Variants in SOX13 observed in about 807,000 individuals in gnomAD.
The protein encoded by SOX13 is SRY-box transcription factor 13.
In SOX13, 28 loss-of-function variants were observed where a neutral mutation model predicts 71.8. That is an observed-to-expected ratio of 0.39 (90% CI 0.29 to 0.53). SOX13 has a LOEUF of 0.53. Among genes scored for constraint, SOX13 ranks in the 20% least tolerant of loss-of-function variants. The pLI is 0.70. For synonymous variants in SOX13, 309 were observed against 317.8 expected (o/e 0.97, Z 0.29); for missense variants, 627 against 810.3 (o/e 0.77, Z 2.75).
At chr1:204,106,529 T>A (rs1010338102) in intron 1 of SOX13, among the ~76,000 whole-genome samples, 1 of 151,890 alleles carries the variant, frequency 6.6e-6, no homozygotes, top group African/African-American at 2.4e-5. Context: ...TTTTTTTTTT[T>A]TTTTTTGAGA....
rs1484853955 is a variant in SOX13, at chr1:204,124,850, G to C, written c.1585G>C (p.Val529Leu). The change falls in exon 13 of 14, where the codon GTG becomes CTG. Residue 529 changes from valine to leucine, a missense_variant. By Grantham distance (32) the Val-to-Leu change is conservative. Coordinates refer to ENST00000367204, the MANE Select transcript of SOX13 (RefSeq NM_005686.3). Reference protein sequence around the residue: ...TRRQDARQSYVIPPQAGQVQM... With the variant: ...TRRQDARQSYLIPPQAGQVQM... ...GCGTCAGGATGCCCGCCAGAGCTAC[G>C]TGATCCCGTGAGCAGGCCCCCCCGC... 6.4e-7 allele frequency: 1 copy of C among 1,565,760 alleles called. No homozygotes were observed.
chr1:204,077,030 T>A (rs59450296), intron 1 of SOX13, among the ~76,000 whole-genome samples: 1 of 152,190 alleles, frequency 6.6e-6, no homozygotes, highest in Non-Finnish European at 1.5e-5. Flanking sequence ...AGAAAACATA[T>A]GTAGGTCAGG....
chr1:204,077,242 C>A (rs745356714), intron 1 of SOX13, among the ~76,000 whole-genome samples: 1 of 152,198 alleles, frequency 6.6e-6, no homozygotes, highest in Non-Finnish European at 1.5e-5. Context: ...CTGGAGAAAT[C>A]AGAGGAGAGC....
chr1:204,097,470 T>C (rs1224514718), intron 1 of SOX13, among the ~76,000 whole-genome samples: 1 of 152,052 alleles, frequency 6.6e-6, no homozygotes, highest in Non-Finnish European at 1.5e-5. Context: ...GGTGGGTGGA[T>C]CACCTGAGGT....
rs11454769 is a variant in SOX13, at chr1:204,120,982, CT to C, written c.776-903del. 5.3e-3 allele frequency among the ~76,000 whole-genome samples: 738 copies of C among 140,416 alleles called. 3 individuals are homozygous for C. Among genetic ancestry groups the C allele is most frequent in the African/African-American group, 0.01 (387 of 38,078 alleles). The allele number at this position is 140,416 out of a possible 152,430, so 92.1% of individuals were successfully genotyped here. A position where few individuals can be genotyped will look rare whatever the true frequency, so the allele number is the denominator to read the frequency against. On this transcript the variant is annotated intron_variant, in intron 7 of 13. Coordinates refer to ENST00000367204, the MANE Select transcript of SOX13 (RefSeq NM_005686.3). ...TTTTTAGTTTTGAAAATTTTAAATT[CT>C]TTTTTTTTTTTTTTGAAACAGAGTC...
intron 13 of SOX13, among the ~76,000 whole-genome samples, chr1:204,125,471 G>A (rs1558224139): frequency 6.6e-6 from 1 of 152,184 alleles, no homozygotes; most frequent in Admixed American, 6.5e-5. Context: ...GCAGGCTCAG[G>A]AGGATCACTT....
chr1:204,090,900 T>A (rs928076489), intron 1 of SOX13, among the ~76,000 whole-genome samples: 2 of 152,130 alleles, frequency 1.3e-5, no homozygotes, highest in African/African-American at 4.8e-5. Flanking sequence ...GAGGAGGCCC[T>A]GTGGGGTGGG....
chr1:204,122,601 G>T lies in SOX13; in HGVS notation c.1024+202G>T, dbSNP rs149365872. On this transcript the variant is annotated intron_variant, in intron 9 of 13. Coordinates refer to ENST00000367204, the MANE Select transcript of SOX13 (RefSeq NM_005686.3). The stretch of plus-strand genomic sequence containing the variant: ...GGCATTCCAAGCATCAGGGATTCAG[G>T]CCAGAGTCACATAGTTCCAGGGGGT... The T allele has an allele frequency of 5.5e-3, 3,313 of 604,446 alleles. 21 individuals carry two copies. The highest frequency in any genetic ancestry group is 7.5e-3 in the Non-Finnish European group (2,549 of 341,648). 37.4% of individuals were successfully genotyped at this position (604,446 alleles called of 1,614,324 possible). A position where few individuals can be genotyped will look rare whatever the true frequency, so the allele number is the denominator to read the frequency against.
At chr1:204,109,247 A>G (rs1246841614) in intron 1 of SOX13, among the ~76,000 whole-genome samples, 1 of 152,174 alleles carries the variant, frequency 6.6e-6, no homozygotes, top group African/African-American at 2.4e-5. Flanking sequence ...GGAACCCTAC[A>G]CTTTGAAAGT....
intron 1 of SOX13, among the ~76,000 whole-genome samples, chr1:204,085,820 AT>A (rs1175450804): frequency 6.6e-6 from 1 of 151,916 alleles, no homozygotes; most frequent in Non-Finnish European, 1.5e-5. Context: ...TAAAAAAAAA[AT>A]ACAAAAAAAT....
chr1:204,120,900 C>A (rs527821481), intron 7 of SOX13, among the ~76,000 whole-genome samples: 12 of 152,228 alleles, frequency 7.9e-5, no homozygotes, highest in African/African-American at 2.9e-4. Context: ...GGGTTCAAAT[C>A]CTGATGCTGC....
At chr1:204,122,757 G>A (rs946533176) in intron 9 of SOX13, 97 bp from the exon 10 acceptor site, 3 of 733,772 alleles carry the variant, frequency 4.1e-6, no homozygotes, top group Non-Finnish European at 6.8e-6. Context: ...CCTCATGGGA[G>A]TGGCATGGCG....
chr1:204,105,094 C>T lies in SOX13; in HGVS notation c.-1-7821C>T, dbSNP rs16852855. On this transcript the variant is annotated intron_variant, in intron 1 of 13. Coordinates refer to ENST00000367204, the MANE Select transcript of SOX13 (RefSeq NM_005686.3). The stretch of plus-strand genomic sequence containing the variant: ...CCTGCAGCGGGCTTTGTCATATAAG[C>T]GCCATGCTTTGAGCCACTGTCCCTC... Among the ~76,000 whole-genome samples the T allele has an allele frequency of 4.6e-5, 7 of 152,142 alleles. No homozygotes were observed. The East Asian group carries it at 7.8e-4, about 17-fold the overall frequency.
chr1:204,124,900 A>C lies in SOX13; in HGVS notation c.1592+43A>C, dbSNP rs553246808. ...CAGGCAGCCAGGAGACTGTGTGTAC[A>C]TGTGTAGCTCTCATGAGTGGCTGGG... On this transcript the variant is annotated intron_variant, in intron 13 of 13. Transcript: ENST00000367204. The C allele has an allele frequency of 8.0e-5, 114 of 1,417,052 alleles. No homozygotes were observed. In the South Asian group the frequency reaches 8.3e-4, roughly 10 times the overall value. The allele number at this position is 1,417,052 out of a possible 1,614,324, so 87.8% of individuals were successfully genotyped here.
At chr1:204,125,708 C>T (rs1656904876) in intron 13 of SOX13, 150 bp from the exon 14 acceptor site, 2 of 836,768 alleles carry the variant, frequency 2.4e-6, no homozygotes, top group Non-Finnish European at 3.6e-6. Flanking sequence ...TGAATTTGGC[C>T]ATCAGAAAGC....
rs373147281 is a variant in SOX13, at chr1:204,124,631, G to C, written c.1376-10G>C. ...AGCACTGACTGCCTGCCCCTGGGGG[G>C]TTGGGTCAGGATCTCGCTGGAAGTC... On this transcript the variant is annotated splice_polypyrimidine_tract_variant and intron_variant, in intron 12 of 13. Transcript: ENST00000367204. 1.0e-4 allele frequency: 160 copies of C among 1,602,236 alleles called. No individual in the cohort carries two copies. The highest frequency in any genetic ancestry group is 5.0e-4 in the Middle Eastern group (3 of 6,026).
rs1656938085 is a variant in SOX13, at chr1:204,127,157, C to G, written c.*1023C>G. On this transcript the variant is annotated 3_prime_UTR_variant, in exon 14 of 14. Coordinates refer to ENST00000367204, the MANE Select transcript of SOX13 (RefSeq NM_005686.3). Reference sequence around the variant, plus strand: ...TTGTCCTGGTGCCCCCGCCCCTGGTCCCAACCTGATCCCACGAGGGAGTTG... The same window carrying G: ...TTGTCCTGGTGCCCCCGCCCCTGGTGCCAACCTGATCCCACGAGGGAGTTG... The G allele has an allele frequency of 6.6e-6, 1 of 152,324 alleles. No homozygotes were observed. The highest frequency in any genetic ancestry group is 6.5e-5 in the Admixed American group (1 of 15,286). 9.4% of individuals were successfully genotyped at this position (152,324 alleles called of 1,614,324 possible).
chr1:204,114,823 T>C (rs1656656225), intron 4 of SOX13, among the ~76,000 whole-genome samples: 1 of 152,060 alleles, frequency 6.6e-6, no homozygotes, highest in African/African-American at 2.4e-5. Flanking sequence ...AGGAATCAAA[T>C]CCCATGACTC....
intron 7 of SOX13, chr1:204,119,436 CG>C (rs1005118915): frequency 4.6e-5 from 7 of 152,042 alleles, no homozygotes; most frequent in African/African-American, 1.7e-4. Flanking sequence ...AAGGGGTAAA[CG>C]GGCTCCCTCA....
Sources: allele counts gnomAD v4.1 joint callset (sites outside exome capture counted in the v4.1 genomes callset), GRCh38; gene constraint gnomAD v4.1.1; transcripts MANE v1.5; gene names NCBI Gene and HGNC (gene_info 2026-07-23, HGNC 2026-07-21).